The following CASS4 variants were observed in gnomAD, a reference collection of about 807,000 sequenced individuals.
The protein encoded by CASS4 is Cas scaffold protein family member 4.
In CASS4, 22 loss-of-function variants were observed where a neutral mutation model predicts 54.2. That is an observed-to-expected ratio of 0.41 (90% CI 0.29 to 0.58). The LOEUF is 0.58. Among genes scored for constraint, CASS4 ranks in the 20% least tolerant of loss-of-function variants. The pLI, the probability that CASS4 is intolerant of heterozygous loss-of-function variation, is 0.36. For missense variants in CASS4, 854 were observed against 986.7 expected (o/e 0.87, Z 1.80); for synonymous variants, 409 against 391.5 (o/e 1.04, Z -0.53).
chr20:56,420,555 A>ATT lies in CASS4; in HGVS notation c.36+8077_36+8078dup, dbSNP rs11475630. Among the ~76,000 whole-genome samples, 359 of 137,320 alleles carry ATT rather than the reference A, an allele frequency of 2.6e-3. 1 individual carries two copies. The highest frequency in any genetic ancestry group is 8.1e-3 in the African/African-American group (298 of 36,598). 90.1% of individuals were successfully genotyped at this position (137,320 alleles called of 152,430 possible). A position where few individuals can be genotyped will look rare whatever the true frequency, so the allele number is the denominator to read the frequency against. On this transcript the variant is annotated intron_variant, in intron 1 of 5. Coordinates refer to ENST00000679887, the MANE Select transcript of CASS4 (RefSeq NM_020356.4). ...TGGTGCACGCCACCATGCCCATCTA[A>ATT]TTTTTTTTTTTTTTTTTGTAGAGAT...
At position 56,456,781 on chromosome 20, in the gene CASS4, C is replaced by T. The variant is rs189710925; in HGVS notation, c.1954-1559C>T. Among the ~76,000 whole-genome samples the T allele has an allele frequency of 7.8e-4, 118 of 152,184 alleles. 2 individuals carry two copies. The East Asian group carries it at 0.019, about 24-fold the overall frequency. On this transcript the variant is annotated intron_variant, in intron 5 of 5. Transcript: ENST00000679887. ...GCAGCCTCCACCACCCAGGTTCAATCGATTCTCCCACCTCAGCCTCCCAAG... is the reference window on the plus strand; with the variant it reads ...GCAGCCTCCACCACCCAGGTTCAATTGATTCTCCCACCTCAGCCTCCCAAG...
At position 56,450,581 on chromosome 20, in the gene CASS4, TTTGTGGTC is replaced by T; in HGVS notation, c.562-15_562-8del. ...GAAAGAAACATTCAAGTTGTCTGCCTTTGTGGTCTTTCCCCAGGAGCCAGAGAAGCAGC... is the reference window on the plus strand; with the variant it reads ...GAAAGAAACATTCAAGTTGTCTGCCTTTTCCCCAGGAGCCAGAGAAGCAGC... On this transcript the variant is annotated splice_polypyrimidine_tract_variant and intron_variant, in intron 3 of 5. Transcript: ENST00000679887. 1 of 1,612,802 alleles carries T rather than the reference TTTGTGGTC, an allele frequency of 6.2e-7. No homozygotes were observed. Among genetic ancestry groups the T allele is most frequent in the East Asian group, 2.2e-5 (1 of 44,866 alleles).
In CASS4 at chr20:56,437,025, C is replaced by A; in HGVS notation, c.37-139C>A. The A allele has an allele frequency of 1.3e-6, 1 of 767,332 alleles. No individual in the cohort carries two copies. The highest frequency in any genetic ancestry group is 2.1e-6 in the Non-Finnish European group (1 of 485,582). The allele number at this position is 767,332 out of a possible 1,614,324, so 47.5% of individuals were successfully genotyped here. A position where few individuals can be genotyped will look rare whatever the true frequency, so the allele number is the denominator to read the frequency against. On this transcript the variant is annotated intron_variant, in intron 1 of 5. Transcript: ENST00000679887. This position sits in a 1 kb window ranked among gnomAD's most constrained non-coding sequence, Gnocchi z 4.7. ...GAAGGAACAAATCAAAGAGCAGGGA[C>A]AAGAGCCTCTGGGGTGGAAGAAATG...
At position 56,451,870 on chromosome 20, in the gene CASS4, A is replaced by G. The variant is rs1483445364; in HGVS notation, c.694A>G (p.Ser232Gly). 1.2e-6 allele frequency: 2 copies of G among 1,613,446 alleles called. No individual in the cohort carries two copies. The highest frequency in any genetic ancestry group is 1.7e-6 in the Non-Finnish European group (2 of 1,179,506). The change falls in exon 5 of 6, where the codon AGC (serine) becomes GGC (glycine). Residue 232 changes from serine to glycine, a missense_variant. By Grantham distance (56) the Ser-to-Gly change is moderately conservative (BLOSUM62 0). Coordinates refer to ENST00000679887, the MANE Select transcript of CASS4 (RefSeq NM_020356.4). Reference protein sequence around the residue: ...SVTTLRRGGYSTLPNPQKSEW... With the variant: ...SVTTLRRGGYGTLPNPQKSEW... ...GACTACCTTAAGAAGAGGCGGTTAC[A>G]GCACATTACCAAATCCTCAGAAATC...
At chr20:56,446,054 G>T in intron 3 of CASS4, 53 bp downstream of exon 3, 1 of 1,232,890 alleles carries the variant, frequency 8.1e-7, no homozygotes, top group South Asian at 1.2e-5. Context: ...CCCAGAGTCT[G>T]GGGTTCTTGG....
rs990996498 is a variant in CASS4, at chr20:56,414,608, G to A, written c.36+2114G>A. 2.6e-5 allele frequency among the ~76,000 whole-genome samples: 4 copies of A among 151,938 alleles called. No homozygotes were observed. Among genetic ancestry groups the A allele is most frequent in the South Asian group, 2.1e-4 (1 of 4,802 alleles). On this transcript the variant is annotated intron_variant, in intron 1 of 5. Coordinates refer to ENST00000679887, the MANE Select transcript of CASS4 (RefSeq NM_020356.4). The surrounding 1 kb of genome is among the most constrained non-coding windows in gnomAD (Gnocchi z 4.1). The stretch of plus-strand genomic sequence containing the variant: ...TGTAAATAACATGCATGTTTGCATA[G>A]AACATATAATTGATATTCCCAGCAT...
At chr20:56,431,116 G>C (rs530069192) in intron 1 of CASS4, among the ~76,000 whole-genome samples, 1 of 152,192 alleles carries the variant, frequency 6.6e-6, no homozygotes, top group Non-Finnish European at 1.5e-5. Flanking sequence ...TAGAATTTAA[G>C]TGACCTTGGA....
chr20:56,447,110 AG>A (rs1390190927), intron 3 of CASS4, among the ~76,000 whole-genome samples: 7 of 151,540 alleles, frequency 4.6e-5, no homozygotes, highest in Admixed American at 2.0e-4. Context: ...AGAGAGGGTG[AG>A]GTGGGAGAAT....
intron 1 of CASS4, among the ~76,000 whole-genome samples, chr20:56,432,895 C>CG (rs1555865160): frequency 2.5e-3 from 320 of 126,994 alleles, no homozygotes; most frequent in African/African-American, 0.013. Flanking sequence ...AAAGTGTGGG[C>CG]AGGGGCGTCA....
At position 56,452,310 on chromosome 20, in the gene CASS4, C is replaced by G. The variant is rs1981062713; in HGVS notation, c.1134C>G (p.Gly378=). ...KAKEVSENSA[G]HNSSWFSRRT... The stretch of plus-strand genomic sequence containing the variant: ...AGGAGGTGTCAGAGAATTCCGCGGG[C>G]CATAATTCCTCATGGTTCTCCAGAC... The change falls in exon 5 of 6, where the codon GGC becomes GGG. Residue 378 remains glycine, a synonymous_variant. Coordinates refer to ENST00000679887, the MANE Select transcript of CASS4 (RefSeq NM_020356.4). 1 of 1,613,872 alleles carries G rather than the reference C, an allele frequency of 6.2e-7. No homozygotes were observed. Among genetic ancestry groups the G allele is most frequent in the Non-Finnish European group, 8.5e-7 (1 of 1,180,034 alleles).
chr20:56,413,672 CAAAAAAAAA>C (rs35217347), intron 1 of CASS4, among the ~76,000 whole-genome samples: 63 of 28,308 alleles, frequency 2.2e-3, no homozygotes, highest in Non-Finnish European at 4.0e-3. Context: ...GACTCTGTCT[CAAAAAAAAA>C]AAAAAAAAAA....
intron 3 of CASS4, among the ~76,000 whole-genome samples, chr20:56,447,317 C>A (rs1188638849): frequency 6.6e-6 from 1 of 152,174 alleles, no homozygotes; most frequent in Non-Finnish European, 1.5e-5. Context: ...CTTTCTAGTT[C>A]ATTTAAAGCT....
intron 1 of CASS4, among the ~76,000 whole-genome samples, chr20:56,426,922 G>A (rs1029809071): frequency 5.9e-5 from 9 of 152,142 alleles, no homozygotes; most frequent in African/African-American, 2.2e-4. Context: ...AATAATACTA[G>A]CTGACACACA....
In CASS4 at chr20:56,451,824, G is replaced by A; in HGVS notation, c.648G>A (p.Gln216=). The change falls in exon 5 of 6, where the codon CAG becomes CAA. Residue 216 remains glutamine (Q), a synonymous_variant. Transcript: ENST00000679887. Reference sequence around the variant, plus strand: ...TATGTGTGGTTCTCCCACAGGGGCAGGGTGTTCCCCTGATATCAGTGACTA... The same window carrying A: ...TATGTGTGGTTCTCCCACAGGGGCAAGGTGTTCCCCTGATATCAGTGACTA... ...LHPPDSQASG[Q]GVPLISVTTL... 1 of 1,607,878 alleles carries A rather than the reference G, an allele frequency of 6.2e-7. No individual in the cohort carries two copies. Among genetic ancestry groups the A allele is most frequent in the Non-Finnish European group, 8.5e-7 (1 of 1,175,274 alleles).
At chr20:56,423,540 TTTTATTTA>T (rs572652711) in intron 1 of CASS4, among the ~76,000 whole-genome samples, 2 of 152,122 alleles carry the variant, frequency 1.3e-5, no homozygotes, top group Non-Finnish European at 2.9e-5. Context: ...CATTACTTTA[TTTTATTTA>T]TTTATTTATT....
At chr20:56,424,696 G>A (rs149862612) in intron 1 of CASS4, among the ~76,000 whole-genome samples, 2,525 of 136,666 alleles carry the variant, frequency 0.018, 44 homozygotes, top group Middle Eastern at 0.17. Context: ...AGCAGAGATC[G>A]CACCACTGCA....
chr20:56,450,762 G>T, intron 4 of CASS4, 83 bp downstream of exon 4: 1 of 1,316,412 alleles, frequency 7.6e-7, no homozygotes, highest in East Asian at 2.5e-5. Flanking sequence ...GGCCAGGCAC[G>T]GTGGCTGAAG....
At chr20:56,447,510 G>T (rs1980773070) in intron 3 of CASS4, among the ~76,000 whole-genome samples, 1 of 152,238 alleles carries the variant, frequency 6.6e-6, no homozygotes, top group Non-Finnish European at 1.5e-5. Flanking sequence ...TCTGTTGGCA[G>T]ATGTGCTAAT....
At chr20:56,454,531 G>T (rs937590600) in intron 5 of CASS4, among the ~76,000 whole-genome samples, 2 of 152,220 alleles carry the variant, frequency 1.3e-5, no homozygotes, top group African/African-American at 4.8e-5. Flanking sequence ...TTGAGAAAAG[G>T]AATCAGTAGG....
Sources: gnomAD v4.1 joint callset for allele counts (sites outside exome capture counted in the v4.1 genomes callset) on GRCh38, gnomAD v4.1.1 for gene constraint, Gnocchi (gnomAD v3.1) non-coding constraint, MANE v1.5 for transcripts, NCBI Gene and HGNC (gene_info 2026-07-23, HGNC 2026-07-21) for gene names.